The following IMPG2 variants were observed in gnomAD, a reference collection of about 807,000 sequenced individuals.
IMPG2 encodes IPM 200.
A neutral mutation model predicts 129.2 loss-of-function variants in IMPG2; 91 were observed. The ratio of observed to expected loss-of-function variants is 0.70; its 90% CI spans 0.59 to 0.84. The LOEUF is 0.84. IMPG2 is among the 40% of genes least tolerant of loss of function. IMPG2 has a pLI of 0.00. For synonymous variants in IMPG2, 510 were observed against 517.7 expected, an observed-to-expected ratio of 0.99 and a Z score of 0.20; for missense variants, 1,430 against 1,461.7, an observed-to-expected ratio of 0.98 and a Z score of 0.35.
At chr3:101,291,003 C>T (rs575970326) in intron 4 of IMPG2, among the ~76,000 whole-genome samples, 15 of 152,260 alleles carry the variant, frequency 9.9e-5, no homozygotes, top group African/African-American at 3.4e-4. Context: ...AAGCCAGAAA[C>T]GACCTTAGCT....
chr3:101,263,101 T>C (rs563844150), intron 9 of IMPG2, among the ~76,000 whole-genome samples: 1 of 151,986 alleles, frequency 6.6e-6, no homozygotes, highest in Non-Finnish European at 1.5e-5. Flanking sequence ...CAATAACAGT[T>C]GAGGACTTCA....
intron 2 of IMPG2, among the ~76,000 whole-genome samples, chr3:101,306,821 G>C (rs112573562): frequency 0.011 from 1,708 of 152,082 alleles, 35 homozygotes; most frequent in African/African-American, 0.039. Flanking sequence ...ATCACTTGAG[G>C]ATAGACAAAG....
At chr3:101,274,406 T>C (rs1373331086) in intron 6 of IMPG2, among the ~76,000 whole-genome samples, 1 of 152,142 alleles carries the variant, frequency 6.6e-6, no homozygotes, top group Non-Finnish European at 1.5e-5. Context: ...AGAATAAAGA[T>C]GTTGAAAAAC....
intron 7 of IMPG2, among the ~76,000 whole-genome samples, chr3:101,270,126 G>A (rs1197623686): frequency 6.6e-6 from 1 of 151,500 alleles, no homozygotes; most frequent in African/African-American, 2.4e-5. Context: ...TACTAGAGGC[G>A]GGGTTTCACC....
rs1033115820 is a variant in IMPG2, at chr3:101,254,107, T to A, written c.1154-326A>T. ...TATGAAGCGCTTATTTTTAAATTAA[T>A]TTTTAAGTAAAAAAGTTGTACTGAA... On this transcript the variant is annotated intron_variant, in intron 10 of 18. Transcript: ENST00000193391. Among the ~76,000 whole-genome samples, 3 of 152,246 alleles carry A rather than the reference T, an allele frequency of 2.0e-5. No homozygotes were observed. The East Asian group carries it at 5.8e-4, about 29-fold the overall frequency.
rs190062582 is a variant in IMPG2, at chr3:101,256,216, A to C, written c.1153+1313T>G. 4.0e-3 allele frequency among the ~76,000 whole-genome samples: 579 copies of C among 146,086 alleles called. 11 individuals are homozygous for C. Among genetic ancestry groups the C allele is most frequent in the African/African-American group, 0.015 (550 of 36,438 alleles). On this transcript the variant is annotated intron_variant, in intron 10 of 18. Transcript: ENST00000193391. Reference sequence around the variant, plus strand: ...AAGAAAGAAAGAAAGAAAGAAAGAAAGAAAAAAATATCTTATTTGGGAAAT... The same window carrying C: ...AAGAAAGAAAGAAAGAAAGAAAGAACGAAAAAAATATCTTATTTGGGAAAT...
In IMPG2 at chr3:101,275,747, T is replaced by C; in HGVS notation, c.584-2A>G. The C allele has an allele frequency of 6.2e-7, 1 of 1,612,458 alleles. No homozygotes were observed. Among genetic ancestry groups the C allele is most frequent in the Non-Finnish European group, 8.5e-7 (1 of 1,178,548 alleles). On this transcript the variant is annotated splice_acceptor_variant, in intron 5 of 18. Transcript: ENST00000193391. LOFTEE classifies it high-confidence loss of function. ...GATGTGGAACACTGAGAGTAGTGTC[T>C]AAGAAGAAAAGCAAAAACATATGCA...
At chr3:101,264,457 A>T (rs879714193) in intron 9 of IMPG2, among the ~76,000 whole-genome samples, 1 of 152,120 alleles carries the variant, frequency 6.6e-6, no homozygotes, top group Non-Finnish European at 1.5e-5. Flanking sequence ...AAACCATATG[A>T]TCATCATAAT....
intron 14 of IMPG2, among the ~76,000 whole-genome samples, chr3:101,240,686 T>G (rs1253931522): frequency 6.6e-6 from 1 of 152,134 alleles, no homozygotes; most frequent in Non-Finnish European, 1.5e-5. Flanking sequence ...TATAATTAAT[T>G]GCCTCTTCCA....
At chr3:101,246,214 G>A (rs762644168) in intron 11 of IMPG2, 109 bp from the exon 12 acceptor site, 1 of 1,006,604 alleles carries the variant, frequency 9.9e-7, no homozygotes, top group Non-Finnish European at 1.4e-6. Context: ...GGGACAAGGA[G>A]GCGGTGTATT....
At chr3:101,307,100 C>A (rs1285566308) in intron 2 of IMPG2, among the ~76,000 whole-genome samples, 1 of 152,096 alleles carries the variant, frequency 6.6e-6, no homozygotes, top group Non-Finnish European at 1.5e-5. Flanking sequence ...ATATACTTCA[C>A]AAAGGAAGAG....
chr3:101,304,628 A>T (rs1023153290), intron 2 of IMPG2, among the ~76,000 whole-genome samples: 1 of 152,166 alleles, frequency 6.6e-6, no homozygotes, highest in African/African-American at 2.4e-5. Flanking sequence ...TATTGAGTAT[A>T]CTGTATTTAA....
chr3:101,256,217 G>GAAAGAAAGAAAGAAAGAACGAACA (rs1553682324), intron 10 of IMPG2, among the ~76,000 whole-genome samples: 11 of 138,170 alleles, frequency 8.0e-5, no homozygotes, highest in African/African-American at 3.0e-4. Context: ...AAGAAAGAAA[G>GAAAGAAAGAAAGAAAGAACGAACA]AAAAAAATAT....
chr3:101,235,052 T>C (rs1706331319), intron 14 of IMPG2, among the ~76,000 whole-genome samples: 1 of 152,204 alleles, frequency 6.6e-6, no homozygotes, highest in African/African-American at 2.4e-5. Flanking sequence ...ACACATAGAC[T>C]GAAGGTAATT....
Position 101,243,982 on chromosome 3 carries a change from A to G in IMPG2, c.2349T>C (p.Val783=), listed in dbSNP as rs771429589. The G allele has an allele frequency of 1.2e-6, 2 of 1,614,172 alleles. No homozygotes were observed. Among genetic ancestry groups the G allele is most frequent in the Non-Finnish European group, 1.7e-6 (2 of 1,180,014 alleles). ...TCTCTAGGGAAGAAGTTCTTGTCCA[A>G]ACTCTCTCTGATTCTGGCAATATAG... is the stretch of plus-strand genomic sequence containing the variant. ...LWTILPESER[V]WTRTSSLEKL... is the part of the protein sequence containing the mutation. Residue 783 remains valine (V), a synonymous_variant, in exon 13 of 19, where the codon GTT becomes GTC. Transcript: ENST00000193391.
chr3:101,300,893 A>G lies in IMPG2; in HGVS notation c.501+3253T>C, dbSNP rs879764312. Among the ~76,000 whole-genome samples, 8 of 152,232 alleles carry G rather than the reference A, an allele frequency of 5.3e-5. No individual in the cohort carries two copies. The East Asian group carries it at 1.3e-3, about 26-fold the overall frequency. Reference sequence around the variant, plus strand: ...GTGCAAGAGACCTAGCTTAAGGCCTATCTCAGTTTTTGACATACTTTCCTC... The same window carrying G: ...GTGCAAGAGACCTAGCTTAAGGCCTGTCTCAGTTTTTGACATACTTTCCTC... On this transcript the variant is annotated intron_variant, in intron 3 of 18. Coordinates refer to ENST00000193391, the MANE Select transcript of IMPG2 (RefSeq NM_016247.4).
Position 101,225,334 on chromosome 3 carries a change from G to A in IMPG2, c.*1635C>T, listed in dbSNP as rs1054922992. The A allele has an allele frequency of 7.2e-5, 11 of 152,300 alleles. No homozygotes were observed. The highest frequency in any genetic ancestry group is 2.7e-4 in the African/African-American group (11 of 41,478). The allele number at this position is 152,300 out of a possible 1,614,324, so 9.4% of individuals were successfully genotyped here. ...AGGATCCATTATGTGAGTAGGGAATGAAAGGAAATGCTAGGATAAGGGAGC... is the reference window on the plus strand; with the variant it reads ...AGGATCCATTATGTGAGTAGGGAATAAAAGGAAATGCTAGGATAAGGGAGC... On this transcript the variant is annotated 3_prime_UTR_variant, in exon 19 of 19. Transcript: ENST00000193391.
At chr3:101,266,747 C>T (rs1262476642) in intron 9 of IMPG2, among the ~76,000 whole-genome samples, 1 of 152,166 alleles carries the variant, frequency 6.6e-6, no homozygotes, top group African/African-American at 2.4e-5. Flanking sequence ...GCCACTGGAA[C>T]AAGACATGCA....
In IMPG2 at chr3:101,226,791, C is replaced by G. The variant is rs1473795509; in HGVS notation, c.*178G>C. 4.8e-6 allele frequency: 3 copies of G among 626,904 alleles called. No homozygotes were observed. In the East Asian group the frequency reaches 8.3e-5, roughly 17 times the overall value. 38.8% of individuals were successfully genotyped at this position (626,904 alleles called of 1,614,324 possible). A position where few individuals can be genotyped will look rare whatever the true frequency, so the allele number is the denominator to read the frequency against. On this transcript the variant is annotated 3_prime_UTR_variant, in exon 19 of 19. Transcript: ENST00000193391. ...TTTATAGAAATAAAAATGGTAACAT[C>G]TCTTACTACATTCTGAAAACTTAAG...
Sources: allele counts gnomAD v4.1 joint callset (sites outside exome capture counted in the v4.1 genomes callset), GRCh38; gene constraint gnomAD v4.1.1; transcripts MANE v1.5; gene names NCBI Gene and HGNC (gene_info 2026-07-23, HGNC 2026-07-21).